The following KCNT1 variants were observed in gnomAD, a reference collection of about 807,000 sequenced individuals.
KCNT1 encodes potassium sodium-activated channel subfamily T member 1.
Under a neutral mutation model 147.8 loss-of-function variants are expected in KCNT1, and 78 were observed. The ratio of observed to expected loss-of-function variants is 0.53; its 90% CI spans 0.44 to 0.64. KCNT1 has a LOEUF of 0.64. KCNT1 is among the 30% of genes least tolerant of loss of function. The pLI is 0.00. For synonymous variants in KCNT1, 867 were observed against 748.8 expected (o/e 1.16, Z -2.58); for missense variants, 1,419 against 1,750.3 (o/e 0.81, Z 3.38).
At position 135,786,480 on chromosome 9, in the gene KCNT1, A is replaced by T. The variant is rs779810960; in HGVS notation, c.3461A>T (p.Lys1154Met). 6.2e-7 allele frequency: 1 copy of T among 1,603,770 alleles called. No individual in the cohort carries two copies. Reference sequence around the variant, plus strand: ...CGCCAGGAGCTCTCCGAGCTGGTGAAGAACCGCATGAAGCACCTGGGGCTG... The same window carrying T: ...CGCCAGGAGCTCTCCGAGCTGGTGATGAACCGCATGAAGCACCTGGGGCTG... ...SERQELSELV[K>M]NRMKHLGLPT... Residue 1154 changes from lysine to methionine, a missense_variant, in exon 29 of 31, where the codon AAG becomes ATG. Transcript: ENST00000371757.
chr9:135,776,222 C>A (rs1460840307), intron 20 of KCNT1, among the ~76,000 whole-genome samples: 1 of 152,016 alleles, frequency 6.6e-6, no homozygotes, highest in Non-Finnish European at 1.5e-5. Context: ...GACCCAGCGG[C>A]TTCAACATCC....
chr9:135,726,104 G>A (rs1250692117), intron 2 of KCNT1, among the ~76,000 whole-genome samples: 1 of 152,146 alleles, frequency 6.6e-6, no homozygotes, highest in African/African-American at 2.4e-5. Context: ...GGCCGGCAAA[G>A]GACTGGGGAG....
Position 135,792,396 on chromosome 9 carries a change from G to C in KCNT1, c.*235G>C. On this transcript the variant is annotated 3_prime_UTR_variant, in exon 31 of 31. Transcript: ENST00000371757. ...TTTTAACCTATTTTTACACGTCGAT[G>C]CAGTCCACTTCTCTTTACACAGATG... is the stretch of plus-strand genomic sequence containing the variant. The C allele has an allele frequency of 2.2e-6, 1 of 463,540 alleles. No individual in the cohort carries two copies. The highest frequency in any genetic ancestry group is 3.9e-6 in the Non-Finnish European group (1 of 253,318). The allele number at this position is 463,540 out of a possible 1,614,324, so 28.7% of individuals were successfully genotyped here.
chr9:135,793,629 CT>C lies in KCNT1; in HGVS notation c.*1469del, dbSNP rs1356802053. On this transcript the variant is annotated 3_prime_UTR_variant, in exon 31 of 31. Coordinates refer to ENST00000371757, the MANE Select transcript of KCNT1 (RefSeq NM_020822.3). ...GGACCAAAAGGCCGAGGTGCAGCCC[CT>C]CCCCGGTGTCAGGGCAGACAACACA... 1 of 152,412 alleles carries C rather than the reference CT, an allele frequency of 6.6e-6. No individual in the cohort carries two copies. The highest frequency in any genetic ancestry group is 2.4e-5 in the African/African-American group (1 of 41,466). 9.4% of individuals were successfully genotyped at this position (152,412 alleles called of 1,614,324 possible). A position where few individuals can be genotyped will look rare whatever the true frequency, so the allele number is the denominator to read the frequency against.
intron 21 of KCNT1, 121 bp from the exon 22 acceptor site, chr9:135,778,303 C>A: frequency 1.2e-6 from 1 of 815,246 alleles, no homozygotes; most frequent in Admixed American, 2.5e-5. Flanking sequence ...GTCCCATACG[C>A]TGCGGTTCTG....
At chr9:135,768,588 C>G in intron 13 of KCNT1, 22 bp from the exon 14 acceptor site, 2 of 1,548,750 alleles carry the variant, frequency 1.3e-6, no homozygotes, top group Non-Finnish European at 1.7e-6. Flanking sequence ...TCCACCCACG[C>G]TCAGGCCCTG....
chr9:135,762,498 A>C (rs1462234681), intron 11 of KCNT1, among the ~76,000 whole-genome samples: 1 of 152,184 alleles, frequency 6.6e-6, no homozygotes, highest in Admixed American at 6.5e-5. Flanking sequence ...CTGTAATCCC[A>C]GCACTTTGGA....
rs762938430 is a variant in KCNT1, at chr9:135,792,088, A to G, written c.3635A>G (p.Gln1212Arg). 3 of 1,604,046 alleles carry G rather than the reference A, an allele frequency of 1.9e-6. No individual in the cohort carries two copies. Among genetic ancestry groups the G allele is most frequent in the East Asian group, 4.5e-5 (2 of 44,806 alleles). ...CTGGCTCACGTGGCCAGCAGCTCCC[A>G]GAGCCGGAAGAGCAGCTGCAGCCAC... ...DPLAHVASSS[Q>R]SRKSSCSHKL... Residue 1212 changes from glutamine (Q) to arginine (R), a missense_variant, in exon 31 of 31, where the codon CAG becomes CGG. Coordinates refer to ENST00000371757, the MANE Select transcript of KCNT1 (RefSeq NM_020822.3).
chr9:135,720,456 C>T (rs73667696), intron 2 of KCNT1, among the ~76,000 whole-genome samples: 2,337 of 152,200 alleles, frequency 0.015, 61 homozygotes, highest in African/African-American at 0.052. Flanking sequence ...ATCCCTCCTG[C>T]GAAGAGCCTG....
At chr9:135,768,079 C>T (rs888720494) in intron 13 of KCNT1, among the ~76,000 whole-genome samples, 2 of 150,968 alleles carry the variant, frequency 1.3e-5, no homozygotes, top group African/African-American at 2.4e-5. Flanking sequence ...TGAACCCTGC[C>T]CCCACCCTCT....
chr9:135,708,889 C>T (rs557992030), intron 1 of KCNT1, among the ~76,000 whole-genome samples: 2 of 152,314 alleles, frequency 1.3e-5, no homozygotes, highest in African/African-American at 4.8e-5. Flanking sequence ...GACATTTTAT[C>T]CAGGACTTCC....
At chr9:135,741,051 C>T (rs1406500998) in intron 2 of KCNT1, among the ~76,000 whole-genome samples, 1 of 152,206 alleles carries the variant, frequency 6.6e-6, no homozygotes, top group African/African-American at 2.4e-5. Context: ...CGCTGCCCTC[C>T]CCTTGGGAGT....
Position 135,771,094 on chromosome 9 carries a change from G to T in KCNT1, c.2007G>T (p.Met669Ile). The T allele has an allele frequency of 1.2e-6, 2 of 1,608,978 alleles. No individual in the cohort carries two copies. The highest frequency in any genetic ancestry group is 4.5e-5 in the East Asian group (2 of 44,726). The change falls in exon 18 of 31, where the codon ATG (methionine) becomes ATT (isoleucine). Residue 669 changes from methionine to isoleucine, a missense_variant and splice_region_variant. By Grantham distance (10) the Met-to-Ile change is conservative. Transcript: ENST00000371757. ...CCGTGCACAGCATCATCGCCTCCAT[G>T]GGTGAGCCGGGACAGGCGCGCGGGA... ...RLPVHSIIAS[M>I]GTVAMDLQGT...
At chr9:135,729,394 G>T (rs1836341316) in intron 2 of KCNT1, among the ~76,000 whole-genome samples, 1 of 152,278 alleles carries the variant, frequency 6.6e-6, no homozygotes, top group African/African-American at 2.4e-5. Flanking sequence ...CCACTGTGCA[G>T]GAGGGGATTC....
chr9:135,776,746 A>G (rs1229930927), intron 20 of KCNT1, among the ~76,000 whole-genome samples: 2 of 152,154 alleles, frequency 1.3e-5, no homozygotes, highest in Non-Finnish European at 2.9e-5. Flanking sequence ...ACAGATCGTT[A>G]TTGATTCTGA....
chr9:135,775,396 G>C lies in KCNT1; in HGVS notation c.2330G>C (p.Cys777Ser). The C allele has an allele frequency of 6.2e-7, 1 of 1,610,264 alleles. No homozygotes were observed. Among genetic ancestry groups the C allele is most frequent in the Non-Finnish European group, 8.5e-7 (1 of 1,178,148 alleles). The change falls in exon 20 of 31, where the codon TGC becomes TCC. Residue 777 changes from cysteine (C) to serine (S), a missense_variant. Around this residue, in one of 5 missense-constraint regions of KCNT1, gnomAD observed 247 missense variants for 397.1 expected, o/e 0.62. Transcript: ENST00000371757. ...CHLLPVKAPF[C>S]CLRLDKGCKH... is the part of the protein sequence containing the mutation. ...CTCCTGCCTGTGAAAGCCCCCTTCT[G>C]CTGCCTGCGGCTGGACAAGGTAAGG...
In KCNT1 at chr9:135,770,846, C is replaced by T; in HGVS notation, c.1770-11C>T. 1.3e-6 allele frequency: 2 copies of T among 1,557,842 alleles called. No individual in the cohort carries two copies. The highest frequency in any genetic ancestry group is 1.7e-4 in the Middle Eastern group (1 of 5,980). On this transcript the variant is annotated splice_polypyrimidine_tract_variant and intron_variant, in intron 17 of 30. Transcript: ENST00000371757. ...GCGGCGGTACCTGAAGTTGCCGGTG[C>T]CTCTGCCCAGGTATGGCGTGTGCCT...
At chr9:135,731,991 T>TATATATATATATAGAGAG (rs1276318460) in intron 2 of KCNT1, among the ~76,000 whole-genome samples, 2 of 21,734 alleles carry the variant, frequency 9.2e-5, no homozygotes, top group African/African-American at 1.7e-4. Context: ...TATATATATA[T>TATATATATATATAGAGAG]AGAGAGAGAG....
At chr9:135,744,410 C>T (rs1295419379) in intron 2 of KCNT1, among the ~76,000 whole-genome samples, 3 of 152,214 alleles carry the variant, frequency 2.0e-5, no homozygotes, top group African/African-American at 7.2e-5. Flanking sequence ...CCCCTGGGCA[C>T]AGGCAGGCAG....
Sources: gnomAD v4.1 joint callset for allele counts (sites outside exome capture counted in the v4.1 genomes callset) on GRCh38, gnomAD v4.1.1 for gene constraint, gnomAD v4.1.1 regional missense constraint, MANE v1.5 for transcripts, NCBI Gene and HGNC (gene_info 2026-07-23, HGNC 2026-07-21) for gene names.